HSD17B4: variants seen among roughly 807,000 people sequenced by gnomAD.
HSD17B4 encodes peroxisomal multifunctional enzyme type 2.
HSD17B4 carries 70 observed loss-of-function variants against 101.0 expected under a neutral mutation model. The observed-to-expected ratio is 0.69, with a 90% CI of 0.57 to 0.85. The LOEUF is 0.85. Among genes scored for constraint, HSD17B4 ranks in the 40% least tolerant of loss-of-function variants. The pLI is 0.00. For synonymous variants in HSD17B4, 347 were observed against 297.1 expected, an observed-to-expected ratio of 1.17 and a Z score of -1.73; for missense variants, 984 against 892.4, an observed-to-expected ratio of 1.10 and a Z score of -1.31.
intron 4 of HSD17B4, 105 bp downstream of exon 4, chr5:119,474,565 A>G: frequency 1.3e-6 from 1 of 778,128 alleles, no homozygotes; most frequent in South Asian, 1.4e-5. Context: ...CTTTCCTCAT[A>G]ATCACATTTT....
At position 119,456,324 on chromosome 5, in the gene HSD17B4, G is replaced by T. The variant is rs762613990; in HGVS notation, c.68G>T (p.Arg23Leu). The change falls in exon 2 of 24, where the codon CGA becomes CTA. Residue 23 changes from arginine (R) to leucine (L), a missense_variant. Arg to Leu is a moderately radical substitution (Grantham distance 102). Transcript: ENST00000510025. ...LVTGAGAGLG[R>L]AYALAFAERG... ...TTTTGTTTTTGATTAGGATTGGGCC[G>T]AGCCTATGCCCTGGCTTTTGCAGAA... is the stretch of plus-strand genomic sequence containing the variant. The T allele has an allele frequency of 2.5e-6, 4 of 1,610,834 alleles. No homozygotes were observed. The African/African-American group carries it at 4.0e-5, about 16-fold the overall frequency.
chr5:119,455,576 A>C (rs1483254587), intron 1 of HSD17B4, among the ~76,000 whole-genome samples: 2 of 149,698 alleles, frequency 1.3e-5, no homozygotes, highest in African/African-American at 5.0e-5. Context: ...CTCTATATAT[A>C]TATATATAAT....
chr5:119,507,503 G>C (rs113182530), intron 15 of HSD17B4, among the ~76,000 whole-genome samples: 1 of 152,082 alleles, frequency 6.6e-6, no homozygotes, highest in Non-Finnish European at 1.5e-5. Context: ...TAAATTTTAC[G>C]CTGGGTGCGG....
In HSD17B4 at chr5:119,452,592, G is replaced by T. The variant is rs1406012759; in HGVS notation, c.17G>T (p.Arg6Met). The change falls in exon 1 of 24, where the codon AGG becomes ATG. Residue 6 changes from arginine (R) to methionine (M), a missense_variant. Transcript: ENST00000510025. ...GCCTTATTCATGGGCTCACCGCTGA[G>T]GTTCGACGGGCGGGTGGTACTGGTC... MGSPL[R>M]FDGRVVLVTG... The T allele has an allele frequency of 6.2e-7, 1 of 1,614,056 alleles. No individual in the cohort carries two copies. The highest frequency in any genetic ancestry group is 8.5e-7 in the Non-Finnish European group (1 of 1,180,002).
At chr5:119,458,661 C>T (rs1754917702) in intron 2 of HSD17B4, among the ~76,000 whole-genome samples, 1 of 152,072 alleles carries the variant, frequency 6.6e-6, no homozygotes, top group Non-Finnish European at 1.5e-5. Context: ...AAGTTAGGGG[C>T]ATCATTTAAG....
chr5:119,494,397 G>C (rs1273491620), intron 11 of HSD17B4, among the ~76,000 whole-genome samples: 1 of 103,092 alleles, frequency 9.7e-6, no homozygotes, highest in African/African-American at 3.7e-5. Flanking sequence ...TTCTCAAAAA[G>C]ATTATTTAAG....
chr5:119,476,009 C>A, intron 6 of HSD17B4, 139 bp downstream of exon 6: 2 of 674,470 alleles, frequency 3.0e-6, no homozygotes, highest in Admixed American at 2.5e-5. Flanking sequence ...AAACTGTATA[C>A]TGAAGACAAT....
At chr5:119,480,827 A>C (rs1749059376) in intron 8 of HSD17B4, among the ~76,000 whole-genome samples, 1 of 152,200 alleles carries the variant, frequency 6.6e-6, no homozygotes, top group Non-Finnish European at 1.5e-5. Context: ...ACCTACCCCT[A>C]GGTGCGCATT....
At chr5:119,487,240 A>ATTTTTTTTTTTTTTTT (rs5870858) in intron 8 of HSD17B4, 1 of 119,086 alleles carries the variant, frequency 8.4e-6, no homozygotes, top group Non-Finnish European at 1.7e-5. Context: ...ACTCTTTTCT[A>ATTTTTTTTTTTTTTTT]TTTTTTTTTT....
At chr5:119,540,765 A>G (rs1034625300) in intron 23 of HSD17B4, among the ~76,000 whole-genome samples, 3 of 152,172 alleles carry the variant, frequency 2.0e-5, no homozygotes, top group Non-Finnish European at 4.4e-5. Context: ...CTGCTCGTTA[A>G]CAAGTATTGT....
chr5:119,495,904 A>G (rs913307743), intron 11 of HSD17B4: 2 of 153,346 alleles, frequency 1.3e-5, no homozygotes, highest in African/African-American at 4.8e-5. Context: ...AAGGAAGCCC[A>G]TGTCTCTAAG....
chr5:119,515,137 A>AG, intron 17 of HSD17B4, 91 bp downstream of exon 17: 3 of 775,636 alleles, frequency 3.9e-6, no homozygotes, highest in Non-Finnish European at 7.1e-6. Flanking sequence ...TTATGCATCT[A>AG]ATGCATAATG....
At chr5:119,469,502 C>T (rs1343871930) in intron 2 of HSD17B4, among the ~76,000 whole-genome samples, 2 of 152,040 alleles carry the variant, frequency 1.3e-5, no homozygotes, top group East Asian at 1.9e-4. Flanking sequence ...TACAGGTGTC[C>T]ACCACCACGC....
chr5:119,463,516 TTTG>T (rs1192541984), intron 2 of HSD17B4, among the ~76,000 whole-genome samples: 4 of 148,630 alleles, frequency 2.7e-5, no homozygotes, highest in Non-Finnish European at 4.4e-5. Flanking sequence ...TTTGTCATCC[TTTG>T]TTATTTTTTT....
intron 18 of HSD17B4, 26 bp from the exon 19 acceptor site, chr5:119,525,891 T>G (rs1424406267): frequency 7.6e-7 from 1 of 1,317,762 alleles, no homozygotes; most frequent in African/African-American, 1.4e-5. Context: ...TACCTGTATC[T>G]AACTCAGTGT....
chr5:119,522,293 T>C (rs1753187522), intron 17 of HSD17B4, among the ~76,000 whole-genome samples: 2 of 152,202 alleles, frequency 1.3e-5, no homozygotes, highest in Non-Finnish European at 2.9e-5. Flanking sequence ...GCATAGTATT[T>C]CATGGTGTAT....
intron 22 of HSD17B4, among the ~76,000 whole-genome samples, chr5:119,532,417 A>G (rs904574276): frequency 1.3e-5 from 2 of 152,124 alleles, no homozygotes; most frequent in Non-Finnish European, 2.9e-5. Flanking sequence ...ATATGTTGGA[A>G]TGAGTGCTAA....
At chr5:119,493,710 C>CT (rs1750325969) in intron 10 of HSD17B4, 108 bp from the exon 11 acceptor site, 17 of 1,077,346 alleles carry the variant, frequency 1.6e-5, no homozygotes, top group Middle Eastern at 2.5e-4. Context: ...GTTAGAATCC[C>CT]TTTTTTTCTG....
intron 2 of HSD17B4, among the ~76,000 whole-genome samples, chr5:119,461,207 A>G (rs1465675536): frequency 1.3e-5 from 2 of 152,236 alleles, no homozygotes; most frequent in Non-Finnish European, 2.9e-5. Flanking sequence ...TATGATTCAT[A>G]TCTTATGTAA....
Sources: allele counts gnomAD v4.1 joint callset (sites outside exome capture counted in the v4.1 genomes callset), GRCh38; gene constraint gnomAD v4.1.1; transcripts MANE v1.5; gene names NCBI Gene and HGNC (gene_info 2026-07-23, HGNC 2026-07-21).